Variants in SHROOM3 observed in about 807,000 individuals in gnomAD.
SHROOM3 encodes protein Shroom3.
A neutral mutation model predicts 138.6 loss-of-function variants in SHROOM3; 47 were observed. The observed-to-expected ratio is 0.34, with a 90% CI of 0.27 to 0.43. The LOEUF (loss-of-function observed/expected upper bound fraction) is 0.43, where lower values mean the gene tolerates loss of function less well. SHROOM3 is among the 20% of genes least tolerant of loss of function. SHROOM3 has a pLI of 1.00. For missense variants in SHROOM3, 2,491 were observed against 2,596.5 expected, an observed-to-expected ratio of 0.96 and a Z score of 0.88; for synonymous variants, 1,062 against 1,063.3, an observed-to-expected ratio of 1.00 and a Z score of 0.02.
Position 76,779,062 on chromosome 4 carries a change from A to G in SHROOM3, c.5876A>G (p.Asp1959Gly), listed in dbSNP as rs774992022. The G allele has an allele frequency of 3.1e-6, 5 of 1,614,156 alleles. No individual in the cohort carries two copies. The highest frequency in any genetic ancestry group is 1.1e-5 in the South Asian group (1 of 91,072). Residue 1959 changes from aspartate to glycine, a missense_variant, in exon 11 of 11, where the codon GAT becomes GGT. Transcript: ENST00000296043. ...TGTCTGCTGGAGAGCCTGCCCTCAG[A>G]TTTCATTCCCAAGGCTGGGGCCCTG... Reference protein sequence around the residue: ...VKCLLESLPSDFIPKAGALAL... With the variant: ...VKCLLESLPSGFIPKAGALAL...
At chr4:76,505,660 CTT>C (rs201633763) in intron 1 of SHROOM3, among the ~76,000 whole-genome samples, 1,405 of 135,696 alleles carry the variant, frequency 0.01, 12 homozygotes, top group African/African-American at 0.035. Context: ...GGTATTGTGA[CTT>C]TTTTTTTTTT....
At chr4:76,649,310 A>G (rs567422735) in intron 2 of SHROOM3, among the ~76,000 whole-genome samples, 1 of 152,346 alleles carries the variant, frequency 6.6e-6, no homozygotes, top group South Asian at 2.1e-4. Context: ...TGAAACTTCT[A>G]TTAAAAGGAG....
intron 1 of SHROOM3, among the ~76,000 whole-genome samples, chr4:76,512,200 G>A (rs1732351701): frequency 6.6e-6 from 1 of 152,170 alleles, no homozygotes; most frequent in African/African-American, 2.4e-5. Context: ...ATTGACACAA[G>A]TACCAGGAAG....
In SHROOM3 at chr4:76,664,873, G is replaced by T. The variant is rs111808465; in HGVS notation, c.324-45283G>T. Among the ~76,000 whole-genome samples, 2,933 of 152,140 alleles carry T rather than the reference G, an allele frequency of 0.019. 97 individuals are homozygous for T. The highest frequency in any genetic ancestry group is 0.064 in the African/African-American group (2,674 of 41,500). On this transcript the variant is annotated intron_variant, in intron 2 of 10. Coordinates refer to ENST00000296043, the MANE Select transcript of SHROOM3 (RefSeq NM_020859.4). This position sits in a 1 kb window ranked among gnomAD's most constrained non-coding sequence, Gnocchi z 4.2. ...TGGTTTTAAAGGCTTCCAGGTGGTCGAGCACGGTGGCTTTTGCCTGTAATC... is the reference window on the plus strand; with the variant it reads ...TGGTTTTAAAGGCTTCCAGGTGGTCTAGCACGGTGGCTTTTGCCTGTAATC...
At chr4:76,745,325 C>T (rs926511214) in intron 5 of SHROOM3, among the ~76,000 whole-genome samples, 1 of 152,112 alleles carries the variant, frequency 6.6e-6, no homozygotes, top group African/African-American at 2.4e-5. Flanking sequence ...AAAGAGAAAC[C>T]CTTGGAGAAA....
intron 1 of SHROOM3, among the ~76,000 whole-genome samples, chr4:76,500,290 C>T (rs1400471519): frequency 1.3e-5 from 2 of 152,124 alleles, no homozygotes; most frequent in African/African-American, 4.8e-5. Flanking sequence ...GATGGGGCCT[C>T]AGGTTTGCCA....
At chr4:76,469,675 A>G (rs28678966) in intron 1 of SHROOM3, among the ~76,000 whole-genome samples, 7,831 of 152,186 alleles carry the variant, frequency 0.051, 250 homozygotes, top group African/African-American at 0.083. Context: ...CAGGCTGGTC[A>G]CAAACTCCTG....
chr4:76,707,628 C>T (rs1720095157), intron 2 of SHROOM3, among the ~76,000 whole-genome samples: 2 of 151,982 alleles, frequency 1.3e-5, no homozygotes, highest in Admixed American at 6.5e-5. Flanking sequence ...CTAGAGACAG[C>T]ATGAGTTCAA....
chr4:76,605,996 T>C (rs1261757264), intron 2 of SHROOM3, among the ~76,000 whole-genome samples: 8 of 109,350 alleles, frequency 7.3e-5, no homozygotes, highest in African/African-American at 3.2e-4. Context: ...CACACATATA[T>C]ATATATATAT....
At chr4:76,671,239 GTGCCCTAAC>G (rs1405965694) in intron 2 of SHROOM3, among the ~76,000 whole-genome samples, 1 of 152,200 alleles carries the variant, frequency 6.6e-6, no homozygotes, top group East Asian at 1.9e-4. Flanking sequence ...TCCCACGACT[GTGCCCTAAC>G]TGTTCTCCCT....
At chr4:76,620,792 T>C (rs996773504) in intron 2 of SHROOM3, among the ~76,000 whole-genome samples, 2 of 152,180 alleles carry the variant, frequency 1.3e-5, no homozygotes, top group African/African-American at 4.8e-5. Flanking sequence ...AGGAACCCGA[T>C]GACCATCTTC....
At chr4:76,539,454 T>C (rs1733052277) in intron 1 of SHROOM3, among the ~76,000 whole-genome samples, 1 of 152,220 alleles carries the variant, frequency 6.6e-6, no homozygotes, top group South Asian at 2.1e-4. Flanking sequence ...TATAAAATGT[T>C]TCTAATCTTA....
chr4:76,678,086 T>C (rs1309466917), intron 2 of SHROOM3, among the ~76,000 whole-genome samples: 1 of 152,196 alleles, frequency 6.6e-6, no homozygotes, highest in Non-Finnish European at 1.5e-5. Flanking sequence ...GAATTAGCTT[T>C]TTTAAGTCAA....
intron 4 of SHROOM3, among the ~76,000 whole-genome samples, chr4:76,732,410 C>A (rs1034460497): frequency 6.6e-6 from 1 of 152,194 alleles, no homozygotes; most frequent in Non-Finnish European, 1.5e-5. Flanking sequence ...CTAGACCTCT[C>A]ACTGATGAAC....
At chr4:76,748,678 CT>C (rs1476988830) in intron 5 of SHROOM3, among the ~76,000 whole-genome samples, 1 of 152,112 alleles carries the variant, frequency 6.6e-6, no homozygotes, top group Non-Finnish European at 1.5e-5. Flanking sequence ...AATTCATTGT[CT>C]TCGTTATCCT....
chr4:76,445,095 CAAAA>C (rs35001806), intron 1 of SHROOM3, among the ~76,000 whole-genome samples: 13 of 119,572 alleles, frequency 1.1e-4, no homozygotes, highest in Non-Finnish European at 1.4e-4. Flanking sequence ...GACATTGTCT[CAAAA>C]AAAAAAAAAA....
chr4:76,567,487 A>G (rs566340621), intron 2 of SHROOM3, among the ~76,000 whole-genome samples: 3 of 152,110 alleles, frequency 2.0e-5, no homozygotes, highest in Non-Finnish European at 4.4e-5. Context: ...TGTCTCTATT[A>G]AAAATACAAA....
chr4:76,469,262 A>G (rs17254156), intron 1 of SHROOM3, among the ~76,000 whole-genome samples: 6,168 of 152,128 alleles, frequency 0.041, 143 homozygotes, highest in Middle Eastern at 0.072. Flanking sequence ...TTTGGTTTTG[A>G]CTATAGGTCC....
chr4:76,467,419 G>A (rs1250104494), intron 1 of SHROOM3, among the ~76,000 whole-genome samples: 8 of 152,200 alleles, frequency 5.3e-5, no homozygotes, highest in South Asian at 4.2e-4. Flanking sequence ...AATCGCATGC[G>A]TTTGTGGTCC....
Sources: allele counts gnomAD v4.1 joint callset (sites outside exome capture counted in the v4.1 genomes callset), GRCh38; gene constraint gnomAD v4.1.1; non-coding constraint Gnocchi (gnomAD v3.1); transcripts MANE v1.5; gene names NCBI Gene and HGNC (gene_info 2026-07-23, HGNC 2026-07-21).